The following COL14A1 variants were observed in gnomAD, a reference collection of about 807,000 sequenced individuals.
COL14A1 encodes the protein collagen type XIV alpha 1 chain.
A neutral mutation model predicts 230.3 loss-of-function variants in COL14A1; 136 were observed. The observed-to-expected ratio is 0.59, with a 90% CI of 0.51 to 0.68. COL14A1 has a LOEUF of 0.68. Ranked by LOEUF, COL14A1 falls within the 30% of genes least tolerant of loss-of-function variation. COL14A1 has a pLI of 0.00. For missense variants in COL14A1, 1,976 were observed against 2,215.8 expected (o/e 0.89, Z 2.17); for synonymous variants, 792 against 784.1 (o/e 1.01, Z -0.17).
chr8:120,179,642 C>A (rs1398788027), intron 5 of COL14A1, among the ~76,000 whole-genome samples: 1 of 152,004 alleles, frequency 6.6e-6, no homozygotes, highest in East Asian at 1.9e-4. Context: ...TCAATGCCAT[C>A]CCATCAAGCT....
intron 40 of COL14A1, among the ~76,000 whole-genome samples, chr8:120,317,984 T>C (rs983869337): frequency 1.3e-5 from 2 of 152,188 alleles, no homozygotes; most frequent in Non-Finnish European, 2.9e-5. Flanking sequence ...ACTCATTCTT[T>C]ATAGGGCCAT....
rs1820022592 is a variant in COL14A1 at position 120,281,057 on chromosome 8, C to A, written c.3822C>A (p.Thr1274=). ...LHKDALVSQP[T]RYLHPEGLPS... ...AAGATGCCCTGGTTTCCCAGCCAAC[C>A]AGGTATGTTTCTGTTGAAAGATTTT... The change falls in exon 31 of 48, where the codon ACC becomes ACA. Residue 1274 remains threonine (T), a splice_region_variant and synonymous_variant. Transcript: ENST00000297848. 6.2e-7 allele frequency: 1 copy of A among 1,603,668 alleles called. No individual in the cohort carries two copies. Among genetic ancestry groups the A allele is most frequent in the Non-Finnish European group, 8.5e-7 (1 of 1,176,732 alleles).
chr8:120,250,869 G>A, intron 22 of COL14A1, 103 bp downstream of exon 22: 1 of 1,363,064 alleles, frequency 7.3e-7, no homozygotes, highest in Non-Finnish European at 1.0e-6. Flanking sequence ...GTGCGCTGGT[G>A]CGATCTGGAC....
In COL14A1 at chr8:120,158,238, C is replaced by T. The variant is rs746558424; in HGVS notation, c.197C>T (p.Pro66Leu). 2 of 1,570,320 alleles carry T rather than the reference C, an allele frequency of 1.3e-6. No individual in the cohort carries two copies. The highest frequency in any genetic ancestry group is 1.4e-5 in the African/African-American group (1 of 73,930). The change falls in exon 3 of 48, where the codon CCA becomes CTA. Residue 66 changes from proline (P) to leucine (L), a missense_variant. By Grantham distance (98) the Pro-to-Leu change is moderately conservative (BLOSUM62 -3). Coordinates refer to ENST00000297848, the MANE Select transcript of COL14A1 (RefSeq NM_021110.4). ...KFGGYKLLVT[P>L]TSGGKTNQLN... ...GGTGGTTACAAACTTCTTGTGACTC[C>T]AACTTCAGGTAAAAACAATTGACTT...
At chr8:120,148,018 A>G in intron 2 of COL14A1, 88 bp downstream of exon 2, 1 of 982,786 alleles carries the variant, frequency 1.0e-6, no homozygotes, top group Non-Finnish European at 1.5e-6. Flanking sequence ...TCCTAACAAT[A>G]TGTCGGCTTT....
chr8:120,230,638 A>G (rs1186068351), intron 18 of COL14A1, among the ~76,000 whole-genome samples: 1 of 152,058 alleles, frequency 6.6e-6, no homozygotes, highest in Non-Finnish European at 1.5e-5. Flanking sequence ...CAATGTTGCC[A>G]GGTAAATGTC....
At chr8:120,172,616 A>G (rs1816130825) in intron 5 of COL14A1, among the ~76,000 whole-genome samples, 2 of 152,068 alleles carry the variant, frequency 1.3e-5, no homozygotes, top group African/African-American at 2.4e-5. Flanking sequence ...TAACCTGGAA[A>G]TCCTCTATGT....
intron 5 of COL14A1, among the ~76,000 whole-genome samples, chr8:120,168,641 G>A (rs1028908355): frequency 2.2e-4 from 33 of 152,224 alleles, no homozygotes; most frequent in African/African-American, 6.7e-4. Context: ...CTAGTTATCC[G>A]AATGTCTATG....
intron 45 of COL14A1, among the ~76,000 whole-genome samples, chr8:120,358,246 A>G (rs1187667509): frequency 6.6e-6 from 1 of 152,182 alleles, no homozygotes; most frequent in Middle Eastern, 3.2e-3. Context: ...GACACATGTC[A>G]TTCAATACCC....
chr8:120,278,601 GC>G, intron 28 of COL14A1, 23 bp downstream of exon 28: 4 of 1,601,234 alleles, frequency 2.5e-6, no homozygotes, highest in Non-Finnish European at 3.4e-6. Flanking sequence ...AACAATAGTG[GC>G]TACCAAATAT....
chr8:120,310,350 C>T (rs1351517348), intron 37 of COL14A1, among the ~76,000 whole-genome samples: 1 of 152,152 alleles, frequency 6.6e-6, no homozygotes, highest in Non-Finnish European at 1.5e-5. Context: ...ATTGTACATT[C>T]TTCTCTTCCT....
In COL14A1 at chr8:120,238,454, C is replaced by T. The variant is rs189613745; in HGVS notation, c.2350-5425C>T. 1.3e-4 allele frequency among the ~76,000 whole-genome samples: 20 copies of T among 152,202 alleles called. No homozygotes were observed. In the East Asian group the frequency reaches 3.5e-3, roughly 27 times the overall value. On this transcript the variant is annotated intron_variant, in intron 19 of 47. Coordinates refer to ENST00000297848, the MANE Select transcript of COL14A1 (RefSeq NM_021110.4). ...AGCCTTACTAATGGCGGACACCCCT[C>T]CCCCCACCAAGCTCGAGCATCCCAG...
At chr8:120,271,275 C>T (rs1819658545) in intron 26 of COL14A1, among the ~76,000 whole-genome samples, 1 of 151,310 alleles carries the variant, frequency 6.6e-6, no homozygotes, top group African/African-American at 2.4e-5. Context: ...TGTCAGGTAA[C>T]ATGCTGAATA....
chr8:120,331,367 C>A (rs1342349299), intron 40 of COL14A1, among the ~76,000 whole-genome samples: 1 of 152,078 alleles, frequency 6.6e-6, no homozygotes, highest in Non-Finnish European at 1.5e-5. Context: ...TGATAAAATT[C>A]AGATTGAAGA....
At chr8:120,306,034 A>G (rs1820849564) in intron 36 of COL14A1, among the ~76,000 whole-genome samples, 2 of 152,128 alleles carry the variant, frequency 1.3e-5, no homozygotes, top group African/African-American at 4.8e-5. Flanking sequence ...CTTGATTATT[A>G]TTATTGCTTG....
At chr8:120,137,983 A>G (rs1365870176) in intron 1 of COL14A1, among the ~76,000 whole-genome samples, 2 of 152,000 alleles carry the variant, frequency 1.3e-5, no homozygotes, top group Non-Finnish European at 2.9e-5. Context: ...AAATTTATTG[A>G]GTTTTATTTT....
chr8:120,168,872 T>G (rs1031972035), intron 5 of COL14A1, among the ~76,000 whole-genome samples: 2 of 152,088 alleles, frequency 1.3e-5, no homozygotes, highest in Non-Finnish European at 2.9e-5. Flanking sequence ...CCCGTTTTTT[T>G]TGAGGCAGGA....
At chr8:120,235,644 C>A (rs1818419527) in intron 19 of COL14A1, among the ~76,000 whole-genome samples, 1 of 152,092 alleles carries the variant, frequency 6.6e-6, no homozygotes, top group Admixed American at 6.5e-5. Flanking sequence ...TTAGTTATTT[C>A]TTGTCTTCTG....
intron 26 of COL14A1, among the ~76,000 whole-genome samples, chr8:120,274,128 G>A (rs529861754): frequency 1.8e-4 from 27 of 151,572 alleles, no homozygotes; most frequent in Non-Finnish European, 3.5e-4. Flanking sequence ...AAGATAATAC[G>A]CTGTGATCAG....
Sources: gnomAD v4.1 joint callset for allele counts (sites outside exome capture counted in the v4.1 genomes callset) on GRCh38, gnomAD v4.1.1 for gene constraint, MANE v1.5 for transcripts, NCBI Gene and HGNC (gene_info 2026-07-23, HGNC 2026-07-21) for gene names.